Variants in OSBPL10 observed in about 807,000 individuals in gnomAD.
The protein encoded by OSBPL10 is oxysterol-binding protein-related protein 10.
Under a neutral mutation model 81.7 loss-of-function variants are expected in OSBPL10, and 49 were observed. The observed-to-expected ratio is 0.60, with a 90% CI of 0.48 to 0.76. The LOEUF (loss-of-function observed/expected upper bound fraction) is 0.76, where lower values mean the gene tolerates loss of function less well. OSBPL10 is among the 30% of genes least tolerant of loss of function. The pLI is 0.00. For synonymous variants in OSBPL10, 419 were observed against 383.6 expected (o/e 1.09, Z -1.08); for missense variants, 923 against 987.8 (o/e 0.93, Z 0.88).
intron 1 of OSBPL10, among the ~76,000 whole-genome samples, chr3:31,965,388 G>GTATAA (rs10663566): frequency 0.31 from 22,674 of 74,194 alleles, 5,579 homozygotes; most frequent in East Asian, 0.75. Context: ...TATATATTAT[G>GTATAA]TATAATATAT....
At chr3:31,877,038 G>C (rs1039143271) in intron 2 of OSBPL10, among the ~76,000 whole-genome samples, 1 of 151,884 alleles carries the variant, frequency 6.6e-6, no homozygotes, top group African/African-American at 2.4e-5. Flanking sequence ...TCCGTAGCTG[G>C]GACTACAGGC....
At chr3:32,065,400 A>G (rs1284593667) in intron 1 of OSBPL10, 1 of 91,632 alleles carries the variant, frequency 1.1e-5, no homozygotes, top group East Asian at 2.5e-4. Context: ...GAGGTATGTG[A>G]CCTACACAGA....
intron 3 of OSBPL10, among the ~76,000 whole-genome samples, chr3:31,864,142 T>C (rs1701119534): frequency 6.6e-6 from 1 of 152,200 alleles, no homozygotes; most frequent in Non-Finnish European, 1.5e-5. Context: ...TGTGCTATAA[T>C]GTCAGTGAGT....
Position 31,760,175 on chromosome 3 carries a change from G to A in OSBPL10, c.730-12055C>T, listed in dbSNP as rs140674638. Among the ~76,000 whole-genome samples, 157 of 152,298 alleles carry A rather than the reference G, an allele frequency of 1.0e-3. 2 individuals are homozygous for A. In the South Asian group the frequency reaches 0.016, roughly 15 times the overall value. The stretch of plus-strand genomic sequence containing the variant: ...TTTTCTTCACATTGAGTAGGCTGAG[G>A]AGGAGGAGAATAGGAGGGGTTGGTC... On this transcript the variant is annotated intron_variant, in intron 4 of 11. Coordinates refer to ENST00000396556, the MANE Select transcript of OSBPL10 (RefSeq NM_017784.5).
At position 31,661,980 on chromosome 3, in the gene OSBPL10, C is replaced by G. The variant is rs935539006; in HGVS notation, c.*92G>C. ...CATTTCTTGGATGCTAATACAAGGT[C>G]TCAGTGAATGCCAACAAAACCCTGA... On this transcript the variant is annotated 3_prime_UTR_variant, in exon 12 of 12. Coordinates refer to ENST00000396556, the MANE Select transcript of OSBPL10 (RefSeq NM_017784.5). 6.5e-7 allele frequency: 1 copy of G among 1,532,002 alleles called. No individual in the cohort carries two copies. The highest frequency in any genetic ancestry group is 1.9e-5 in the Admixed American group (1 of 51,604). 94.9% of individuals were successfully genotyped at this position (1,532,002 alleles called of 1,614,324 possible). A position where few individuals can be genotyped will look rare whatever the true frequency, so the allele number is the denominator to read the frequency against.
At chr3:31,957,207 C>CT (rs1213645058) in intron 1 of OSBPL10, among the ~76,000 whole-genome samples, 1 of 152,066 alleles carries the variant, frequency 6.6e-6, no homozygotes, top group Non-Finnish European at 1.5e-5. Flanking sequence ...AAAGGCAGAA[C>CT]TTTTTGTTTT....
chr3:31,790,196 T>G (rs1698975699), intron 4 of OSBPL10, among the ~76,000 whole-genome samples: 1 of 152,218 alleles, frequency 6.6e-6, no homozygotes, highest in Non-Finnish European at 1.5e-5. Context: ...GTAAGAATAA[T>G]TAGATGCTTT....
At chr3:32,033,445 T>C (rs1394753158) in intron 2 of OSBPL10, among the ~76,000 whole-genome samples, 2 of 152,190 alleles carry the variant, frequency 1.3e-5, no homozygotes, top group African/African-American at 4.8e-5. Context: ...AAGGAGTACA[T>C]GGAATGCAGA....
intron 8 of OSBPL10, among the ~76,000 whole-genome samples, chr3:31,682,946 G>A (rs1264609635): frequency 6.6e-6 from 1 of 152,136 alleles, no homozygotes; most frequent in African/African-American, 2.4e-5. Flanking sequence ...AGACAAATTT[G>A]GAGTTAGATT....
intron 7 of OSBPL10, among the ~76,000 whole-genome samples, chr3:31,695,464 G>C (rs116775528): frequency 0.012 from 1,772 of 152,074 alleles, 36 homozygotes; most frequent in African/African-American, 0.041. Context: ...CCCCCTTGTG[G>C]TCTCACTTCC....
At chr3:31,955,400 A>G (rs969645009) in intron 1 of OSBPL10, among the ~76,000 whole-genome samples, 1 of 152,200 alleles carries the variant, frequency 6.6e-6, no homozygotes, top group African/African-American at 2.4e-5. Context: ...ACCTCAATAG[A>G]AAAAGAACCA....
chr3:31,724,426 G>A (rs534856034), intron 6 of OSBPL10, among the ~76,000 whole-genome samples: 4 of 152,144 alleles, frequency 2.6e-5, no homozygotes, highest in South Asian at 2.1e-4. Context: ...TCCTAAGGCC[G>A]CTCCCAAAGA....
rs1486162239 is a variant in OSBPL10 at position 32,029,230 on chromosome 3, A to C, written n.298+17261T>G. ...CCCAGGTCAAAAGGTCAAACCACAC[A>C]CTTGCCTTTCAGGTTGCCTGCCAGG... On this transcript the variant is annotated intron_variant and non_coding_transcript_variant, in intron 2 of 3. Coordinates refer to the OSBPL10 transcript ENST00000479173. Among the ~76,000 whole-genome samples, 3 of 152,164 alleles carry C rather than the reference A, an allele frequency of 2.0e-5. No individual in the cohort carries two copies. The East Asian group carries it at 5.8e-4, about 29-fold the overall frequency.
intron 4 of OSBPL10, among the ~76,000 whole-genome samples, chr3:31,825,632 C>T (rs2125517702): frequency 6.6e-6 from 1 of 152,272 alleles, no homozygotes; most frequent in South Asian, 2.1e-4. Context: ...AGACTTCTTA[C>T]TCAATGCAAT....
intron 5 of OSBPL10, among the ~76,000 whole-genome samples, chr3:31,740,254 G>C (rs1180123302): frequency 6.6e-6 from 1 of 152,170 alleles, no homozygotes; most frequent in East Asian, 1.9e-4. Context: ...ATATTGGCCA[G>C]GCTGGTCTCG....
At chr3:31,972,186 C>T (rs536749456) in intron 1 of OSBPL10, among the ~76,000 whole-genome samples, 4 of 152,246 alleles carry the variant, frequency 2.6e-5, no homozygotes, top group Non-Finnish European at 5.9e-5. Flanking sequence ...GTCAGGAGAT[C>T]AAGACCAGCC....
At chr3:32,035,622 ATTCT>A (rs1699510383) in intron 2 of OSBPL10, among the ~76,000 whole-genome samples, 1 of 152,012 alleles carries the variant, frequency 6.6e-6, no homozygotes, top group African/African-American at 2.4e-5. Flanking sequence ...TCAGACACTA[ATTCT>A]TTAAATAAAA....
intron 1 of OSBPL10, among the ~76,000 whole-genome samples, chr3:31,965,460 T>A (rs867984653): frequency 7.9e-4 from 30 of 38,186 alleles, no homozygotes; most frequent in Admixed American, 3.0e-3. Context: ...AATATATAAT[T>A]TATATAATAT....
At chr3:31,895,913 G>T (rs1481384521) in intron 1 of OSBPL10, among the ~76,000 whole-genome samples, 1 of 152,140 alleles carries the variant, frequency 6.6e-6, no homozygotes, top group Non-Finnish European at 1.5e-5. Context: ...TTAAAGGAAG[G>T]TGAAATCTAA....
Sources: gnomAD v4.1 joint callset for allele counts (sites outside exome capture counted in the v4.1 genomes callset) on GRCh38, gnomAD v4.1.1 for gene constraint, MANE v1.5 for transcripts, NCBI Gene and HGNC (gene_info 2026-07-23, HGNC 2026-07-21) for gene names.